Variants in MASP1 observed in about 807,000 individuals in gnomAD.
MASP1 encodes MBL associated serine protease 1.
In MASP1, 59 loss-of-function variants were observed where a neutral mutation model predicts 77.1. The observed-to-expected ratio is 0.77, with a 90% confidence interval of 0.62 to 0.95. The LOEUF is 0.95. Among genes scored for constraint, MASP1 ranks in the 40% least tolerant of loss-of-function variants. The probability of loss-of-function intolerance (pLI) is 0.00; values close to 1 mark genes in which losing one functional copy is unlikely to be tolerated. For missense variants in MASP1, 885 were observed against 912.9 expected, an observed-to-expected ratio of 0.97 and a Z score of 0.39; for synonymous variants, 362 against 354.5, an observed-to-expected ratio of 1.02 and a Z score of -0.24.
chr3:187,225,268 C>A lies in MASP1; in HGVS notation c.1741+56G>T. 4 of 1,589,112 alleles carry A rather than the reference C, an allele frequency of 2.5e-6. No homozygotes were observed. In the South Asian group the frequency reaches 4.4e-5, roughly 18 times the overall value. On this transcript the variant is annotated intron_variant, in intron 13 of 15. Coordinates refer to the MASP1 transcript ENST00000337774. ...CACCAGAGCTTCACCAACGTGAAGA[C>A]GGACTCCTTGTGGAGGCACCAGCTG... is the stretch of plus-strand genomic sequence containing the variant.
At chr3:187,245,956 C>T (rs745987390) in intron 8 of MASP1, among the ~76,000 whole-genome samples, 1 of 152,198 alleles carries the variant, frequency 6.6e-6, no homozygotes, top group Non-Finnish European at 1.5e-5. Flanking sequence ...CTAACCCTGG[C>T]ACTCAGGCCT....
intron 1 of MASP1, among the ~76,000 whole-genome samples, chr3:187,289,148 T>C (rs1718095967): frequency 6.6e-6 from 1 of 150,812 alleles, no homozygotes; most frequent in East Asian, 1.9e-4. Flanking sequence ...ATGTCAAAAG[T>C]AATATATAGA....
intron 11 of MASP1, among the ~76,000 whole-genome samples, chr3:187,227,077 G>C (rs1189301934): frequency 6.6e-6 from 1 of 152,162 alleles, no homozygotes. Flanking sequence ...GAATTACCTG[G>C]TGAATGAAAA....
intron 15 of MASP1, chr3:187,220,354 G>A: frequency 1.8e-6 from 2 of 1,141,362 alleles, no homozygotes; most frequent in South Asian, 1.4e-5. Context: ...AGAGAATTGG[G>A]CACTAGAGGG....
At chr3:187,246,881 CA>C in intron 8 of MASP1, 1 of 1,023,144 alleles carries the variant, frequency 9.8e-7, no homozygotes, top group South Asian at 3.8e-5. Context: ...GTTAAGAAAG[CA>C]GCAACAGGTA....
At chr3:187,268,515 G>C (rs1427532450) in intron 2 of MASP1, among the ~76,000 whole-genome samples, 2 of 145,006 alleles carry the variant, frequency 1.4e-5, no homozygotes, top group Non-Finnish European at 3.0e-5. Context: ...GAAAGAAAGA[G>C]AGGAAGAAAG....
At position 187,250,110 on chromosome 3, in the gene MASP1, A is replaced by G. The variant is rs1045882285; in HGVS notation, c.1090+141T>C. 5 of 758,424 alleles carry G rather than the reference A, an allele frequency of 6.6e-6. No homozygotes were observed. The African/African-American group carries it at 8.7e-5, about 13-fold the overall frequency. The allele number at this position is 758,424 out of a possible 1,614,324, so 47.0% of individuals were successfully genotyped here. A position where few individuals can be genotyped will look rare whatever the true frequency, so the allele number is the denominator to read the frequency against. On this transcript the variant is annotated intron_variant, in intron 8 of 10. Transcript: ENST00000296280. ...GGGCACTGATACTCTTTTTTTTCCC[A>G]ACCCTTGTGTGTCTGTTAAATTCCT...
chr3:187,281,806 A>G (rs1717434924), intron 2 of MASP1, among the ~76,000 whole-genome samples: 1 of 152,210 alleles, frequency 6.6e-6, no homozygotes, highest in Admixed American at 6.5e-5. Flanking sequence ...AACAGAGGAA[A>G]AAACAGAATT....
chr3:187,246,699 GA>G (rs1368048744), intron 8 of MASP1: 14 of 987,624 alleles, frequency 1.4e-5, no homozygotes, highest in Non-Finnish European at 1.7e-5. Context: ...TTTAATCAGC[GA>G]ATTTTAAGAA....
chr3:187,224,840 C>A (rs946554688), intron 13 of MASP1, among the ~76,000 whole-genome samples: 21 of 152,148 alleles, frequency 1.4e-4, no homozygotes, highest in Non-Finnish European at 2.8e-4. Flanking sequence ...GGTTTTTCAC[C>A]CCAGTAGTGG....
rs1711974394 is a variant in MASP1, at chr3:187,220,380, G to A, written c.1910-119C>T. ...CACTAGAGGGCATAGCAGACCGTTG[G>A]ACCCAAACCTCAGCTCTGGGCAGTT... On this transcript the variant is annotated intron_variant, in intron 15 of 15. Transcript: ENST00000337774. 7 of 845,646 alleles carry A rather than the reference G, an allele frequency of 8.3e-6. No individual in the cohort carries two copies. In the South Asian group the frequency reaches 1.0e-4, roughly 12 times the overall value. 52.4% of individuals were successfully genotyped at this position (845,646 alleles called of 1,614,324 possible). A position where few individuals can be genotyped will look rare whatever the true frequency, so the allele number is the denominator to read the frequency against.
At chr3:187,241,693 A>C in intron 9 of MASP1, 138 bp from the exon 10 acceptor site, 1 of 674,996 alleles carries the variant, frequency 1.5e-6, no homozygotes, top group Non-Finnish European at 2.8e-6. Flanking sequence ...CTCAGATACG[A>C]TTGTCTCTGA....
chr3:187,263,923 CA>C (rs1357344984), intron 2 of MASP1, among the ~76,000 whole-genome samples: 1 of 152,158 alleles, frequency 6.6e-6, no homozygotes, highest in East Asian at 1.9e-4. Context: ...ATACCTAATC[CA>C]ATTCTTTTAA....
In MASP1 at chr3:187,235,130, A is replaced by C. The variant is rs1476303376; in HGVS notation, c.*554T>G. ...AGGCATGAAGGTGCTCCAAGGGATCACACTAAGAGAGAGGGGCTTGGCTAT... is the reference window on the plus strand; with the variant it reads ...AGGCATGAAGGTGCTCCAAGGGATCCCACTAAGAGAGAGGGGCTTGGCTAT... On this transcript the variant is annotated 3_prime_UTR_variant, in exon 11 of 11. Coordinates refer to ENST00000296280, the MANE Select transcript of MASP1 (RefSeq NM_139125.4). 7.8e-7 allele frequency: 1 copy of C among 1,287,356 alleles called. No homozygotes were observed. The highest frequency in any genetic ancestry group is 1.0e-6 in the Non-Finnish European group (1 of 988,830). 79.7% of individuals were successfully genotyped at this position (1,287,356 alleles called of 1,614,324 possible). A position where few individuals can be genotyped will look rare whatever the true frequency, so the allele number is the denominator to read the frequency against.
At position 187,234,631 on chromosome 3, in the gene MASP1, T is replaced by A. The variant is rs1393272031; in HGVS notation, c.*1053A>T. ...GGGTCCCTCTGAACATCCTGCGGGG[T>A]GGATTCTCCGCCCAGCTCATGCCCC... On this transcript the variant is annotated 3_prime_UTR_variant, in exon 11 of 11. Transcript: ENST00000296280. 7.8e-7 allele frequency: 1 copy of A among 1,287,130 alleles called. No homozygotes were observed. The highest frequency in any genetic ancestry group is 5.6e-5 in the East Asian group (1 of 18,008). The allele number at this position is 1,287,130 out of a possible 1,614,324, so 79.7% of individuals were successfully genotyped here. A position where few individuals can be genotyped will look rare whatever the true frequency, so the allele number is the denominator to read the frequency against.
chr3:187,236,643 T>G, intron 10 of MASP1, 76 bp from the exon 11 acceptor site: 2 of 1,611,768 alleles, frequency 1.2e-6, no homozygotes, highest in South Asian at 2.2e-5. Context: ...GCCACAAAGA[T>G]AAATTCACAT....
In MASP1 at chr3:187,282,809, G is replaced by A. The variant is rs187152408; in HGVS notation, c.237+3016C>T. Among the ~76,000 whole-genome samples, 4 of 152,340 alleles carry A rather than the reference G, an allele frequency of 2.6e-5. No homozygotes were observed. The East Asian group carries it at 7.7e-4, about 29-fold the overall frequency. On this transcript the variant is annotated intron_variant, in intron 2 of 10. Transcript: ENST00000296280. The stretch of plus-strand genomic sequence containing the variant: ...GTGGCCTTCTGGAAGAGAGTCAGCT[G>A]TGCAAGCACAAGTGGAGAAGTCTAT...
chr3:187,236,700 G>T, intron 10 of MASP1, 133 bp from the exon 11 acceptor site: 1 of 1,491,110 alleles, frequency 6.7e-7, no homozygotes, highest in Non-Finnish European at 9.2e-7. Flanking sequence ...ACCTGCCTGG[G>T]TCATGCTAGC....
rs897598424 is a variant in MASP1 at position 187,243,404 on chromosome 3, A to T, written c.1228+80T>A. ...ACTTATGAGCAGTTCTTCCTTTCACAGCTGTCTCGGCCCCCAGTCCAACCC... is the reference window on the plus strand; with the variant it reads ...ACTTATGAGCAGTTCTTCCTTTCACTGCTGTCTCGGCCCCCAGTCCAACCC... On this transcript the variant is annotated intron_variant, in intron 9 of 10. Transcript: ENST00000296280. 2.1e-6 allele frequency: 3 copies of T among 1,447,316 alleles called. No individual in the cohort carries two copies. The African/African-American group carries it at 4.2e-5, about 20-fold the overall frequency. 89.7% of individuals were successfully genotyped at this position (1,447,316 alleles called of 1,614,324 possible). A position where few individuals can be genotyped will look rare whatever the true frequency, so the allele number is the denominator to read the frequency against.
Sources: gnomAD v4.1 joint callset for allele counts (sites outside exome capture counted in the v4.1 genomes callset) on GRCh38, gnomAD v4.1.1 for gene constraint, MANE v1.5 for transcripts, NCBI Gene and HGNC (gene_info 2026-07-23, HGNC 2026-07-21) for gene names.